The following ROBO2 variants were observed in gnomAD, a reference collection of about 807,000 sequenced individuals.
ROBO2 encodes the protein roundabout homolog 2.
ROBO2 carries 53 observed loss-of-function variants against 160.8 expected under a neutral mutation model. The ratio of observed to expected loss-of-function variants is 0.33; its 90% confidence interval spans 0.26 to 0.41. The LOEUF is 0.41. Among genes scored for constraint, ROBO2 ranks in the 10% least tolerant of loss-of-function variants. ROBO2 has a pLI of 1.00. For missense variants in ROBO2, 1,577 were observed against 1,722.4 expected (o/e 0.92, Z 1.49); for synonymous variants, 664 against 611.7 (o/e 1.09, Z -1.26).
intron 2 of ROBO2, among the ~76,000 whole-genome samples, chr3:76,978,479 G>A (rs2059917956): frequency 6.6e-6 from 1 of 152,180 alleles, no homozygotes; most frequent in African/African-American, 2.4e-5. Context: ...TTTTAACAAT[G>A]AATAAATGCG....
intron 24 of ROBO2, among the ~76,000 whole-genome samples, chr3:77,642,014 G>A (rs988368144): frequency 6.6e-6 from 1 of 152,036 alleles, no homozygotes; most frequent in East Asian, 1.9e-4. Flanking sequence ...CTGAACATTG[G>A]TTATTACTTA....
At chr3:76,300,980 G>A (rs1008990698) in intron 2 of ROBO2, among the ~76,000 whole-genome samples, 2 of 152,082 alleles carry the variant, frequency 1.3e-5, no homozygotes, top group Non-Finnish European at 2.9e-5. Context: ...GCGATAAGAG[G>A]GAGAGGGTAC....
At chr3:77,640,573 C>T (rs139402884) in intron 24 of ROBO2, among the ~76,000 whole-genome samples, 2 of 151,784 alleles carry the variant, frequency 1.3e-5, no homozygotes, top group African/African-American at 4.9e-5. Flanking sequence ...TTACTTTGTG[C>T]CTTCATTTTC....
At chr3:77,412,771 C>A (rs2076905700) in intron 2 of ROBO2, among the ~76,000 whole-genome samples, 1 of 152,232 alleles carries the variant, frequency 6.6e-6, no homozygotes, top group South Asian at 2.1e-4. Context: ...GGCCCAACCC[C>A]ACACTTCCTG....
intron 2 of ROBO2, among the ~76,000 whole-genome samples, chr3:77,259,393 T>C (rs951489630): frequency 1.3e-5 from 2 of 152,210 alleles, no homozygotes; most frequent in African/African-American, 2.4e-5. Flanking sequence ...GCCCACAGTA[T>C]ATCTTCAATA....
intron 1 of ROBO2, among the ~76,000 whole-genome samples, chr3:75,920,724 C>CAT (rs1576141933): frequency 6.6e-6 from 1 of 152,126 alleles, no homozygotes; most frequent in East Asian, 1.9e-4. Flanking sequence ...GTATTTGGTG[C>CAT]ATATATATTT....
At chr3:75,908,525 C>T (rs1022387604) in intron 1 of ROBO2, among the ~76,000 whole-genome samples, 5 of 151,966 alleles carry the variant, frequency 3.3e-5, no homozygotes, top group African/African-American at 1.2e-4. Flanking sequence ...TTAGAAATTA[C>T]ATATTATTAT....
At chr3:77,173,202 A>G (rs945062451) in intron 2 of ROBO2, among the ~76,000 whole-genome samples, 1 of 152,306 alleles carries the variant, frequency 6.6e-6, no homozygotes, top group African/African-American at 2.4e-5. Context: ...GATTTTAATA[A>G]TAGATAGCAA....
At chr3:77,317,885 T>TG (rs1364277742) in intron 2 of ROBO2, among the ~76,000 whole-genome samples, 9 of 16,450 alleles carry the variant, frequency 5.5e-4, no homozygotes, top group African/African-American at 2.3e-3. Flanking sequence ...GGGGGGCTGC[T>TG]GGGGGGCTGC....
intron 2 of ROBO2, among the ~76,000 whole-genome samples, chr3:76,176,082 T>G (rs997567185): frequency 1.3e-5 from 2 of 152,132 alleles, no homozygotes; most frequent in African/African-American, 4.8e-5. Context: ...CCATGTGTCC[T>G]TTGGGACACA....
chr3:76,019,485 T>C (rs2066506370), intron 2 of ROBO2, among the ~76,000 whole-genome samples: 2 of 151,726 alleles, frequency 1.3e-5, no homozygotes, highest in Non-Finnish European at 2.9e-5. Flanking sequence ...GAATACTGTG[T>C]ATTCCTTCGA....
At position 76,220,418 on chromosome 3, in the gene ROBO2, A is replaced by G. The variant is rs143058947; in HGVS notation, c.109+282816A>G. On this transcript the variant is annotated intron_variant, in intron 2 of 26. Coordinates refer to the ROBO2 transcript ENST00000487694. ...GTCTTTTAGGGGGTGACTAGGATGT[A>G]AAAGCTCGATCCTCACACAGGGATT... Among the ~76,000 whole-genome samples, 438 of 152,086 alleles carry G rather than the reference A, an allele frequency of 2.9e-3. 2 individuals carry two copies. Among genetic ancestry groups the G allele is most frequent in the African/African-American group, 0.01 (419 of 41,502 alleles).
intron 1 of ROBO2, among the ~76,000 whole-genome samples, chr3:77,073,069 TAGGTATTGAGGGAA>T (rs2067586363): frequency 6.6e-6 from 1 of 152,166 alleles, no homozygotes; most frequent in Admixed American, 6.5e-5. Context: ...GTTTTATGGT[TAGGTATTGAGGGAA>T]AGGCTTAATA....
At chr3:77,088,834 A>G (rs2069715057) in intron 1 of ROBO2, among the ~76,000 whole-genome samples, 1 of 152,218 alleles carries the variant, frequency 6.6e-6, no homozygotes, top group African/African-American at 2.4e-5. Flanking sequence ...CTATACATTT[A>G]TCAAAAGTAT....
intron 2 of ROBO2, among the ~76,000 whole-genome samples, chr3:77,473,919 T>C (rs1263410262): frequency 1.3e-5 from 2 of 152,156 alleles, no homozygotes; most frequent in African/African-American, 4.8e-5. Context: ...CTCTCTGACC[T>C]TCCTTCCTCC....
intron 2 of ROBO2, among the ~76,000 whole-genome samples, chr3:76,051,751 T>A (rs1165860526): frequency 2.0e-5 from 3 of 152,104 alleles, no homozygotes; most frequent in Non-Finnish European, 2.9e-5. Context: ...TATCATTAGT[T>A]GCCTTGCACT....
intron 2 of ROBO2, among the ~76,000 whole-genome samples, chr3:76,813,696 T>C (rs1282164775): frequency 6.6e-6 from 1 of 152,144 alleles, no homozygotes; most frequent in Non-Finnish European, 1.5e-5. Flanking sequence ...TTCTATCTGG[T>C]AACTCACAGG....
chr3:77,478,026 C>T (rs567485919), intron 3 of ROBO2, among the ~76,000 whole-genome samples: 4 of 151,786 alleles, frequency 2.6e-5, no homozygotes, highest in Admixed American at 6.6e-5. Flanking sequence ...GGGGTTTCAC[C>T]ATGTTGGCCA....
intron 2 of ROBO2, among the ~76,000 whole-genome samples, chr3:76,081,417 T>C (rs1424055279): frequency 2.0e-5 from 3 of 151,914 alleles, no homozygotes; most frequent in Middle Eastern, 3.2e-3. Flanking sequence ...GTGAAAAGAG[T>C]AATATTTGAT....
Sources: allele counts gnomAD v4.1 joint callset (sites outside exome capture counted in the v4.1 genomes callset), GRCh38; gene constraint gnomAD v4.1.1; transcripts MANE v1.5; gene names NCBI Gene and HGNC (gene_info 2026-07-23, HGNC 2026-07-21).